The following ARHGAP6 variants were observed in gnomAD, a reference collection of about 807,000 sequenced individuals.
The protein encoded by ARHGAP6 is Rho GTPase activating protein 6, also known as rho GTPase-activating protein 6.
ARHGAP6 carries 16 observed loss-of-function variants against 55.7 expected under a neutral mutation model. The observed-to-expected ratio is 0.29, with a 90% CI of 0.19 to 0.44. The LOEUF (loss-of-function observed/expected upper bound fraction) is 0.44, where lower values mean the gene tolerates loss of function less well. Ranked by LOEUF, ARHGAP6 falls within the 20% of genes least tolerant of loss-of-function variation. ARHGAP6 has a pLI of 1.00. For missense variants in ARHGAP6, 698 were observed against 808.9 expected (o/e 0.86, Z 1.66); for synonymous variants, 382 against 360.9 (o/e 1.06, Z -0.66).
intron 1 of ARHGAP6, among the ~76,000 whole-genome samples, chrX:11,371,228 C>T (rs1359910720): frequency 1.8e-5 from 2 of 111,901 alleles, no homozygotes; most frequent in African/African-American, 3.2e-5. Context: ...GTTCTACAAG[C>T]ACACAGCTAT....
intron 1 of ARHGAP6, among the ~76,000 whole-genome samples, chrX:11,389,861 A>G (rs1256649528): frequency 8.9e-6 from 1 of 111,925 alleles, no homozygotes; most frequent in Admixed American, 9.5e-5. Flanking sequence ...AAGGAAGACA[A>G]GGAAAACTTA....
At chrX:11,167,257 C>A (rs997866741) in intron 9 of ARHGAP6, among the ~76,000 whole-genome samples, 1 of 110,821 alleles carries the variant, frequency 9.0e-6, no homozygotes, top group African/African-American at 3.3e-5. Flanking sequence ...CGAACATAAA[C>A]GAGAAATTTG....
intron 1 of ARHGAP6, among the ~76,000 whole-genome samples, chrX:11,275,632 T>A (rs1037105368): frequency 1.8e-5 from 2 of 111,745 alleles, no homozygotes; most frequent in African/African-American, 6.5e-5. Flanking sequence ...TTGAAAGCCA[T>A]CATTGAGGCT....
chrX:11,332,418 A>C (rs2048574350), intron 1 of ARHGAP6, among the ~76,000 whole-genome samples: 1 of 111,747 alleles, frequency 8.9e-6, no homozygotes, highest in African/African-American at 3.3e-5. Flanking sequence ...GAGGACACAT[A>C]CATTCCCTTA....
intron 2 of ARHGAP6, among the ~76,000 whole-genome samples, chrX:11,232,356 T>A (rs1284658156): frequency 1.8e-4 from 20 of 111,436 alleles, no homozygotes; most frequent in African/African-American, 6.5e-4. Flanking sequence ...TGTGGTGGCT[T>A]ACACCTGTAA....
In ARHGAP6 at chrX:11,509,749, AAC is replaced by A. The variant is rs752477980; in HGVS notation, c.588+154490_588+154491del. Among the ~76,000 whole-genome samples, 3 of 112,494 alleles carry A rather than the reference AAC, an allele frequency of 2.7e-5. No individual in the cohort carries two copies. The South Asian group carries it at 1.1e-3, about 41-fold the overall frequency. On this transcript the variant is annotated intron_variant, in intron 1 of 12. Coordinates refer to ENST00000337414, the MANE Select transcript of ARHGAP6 (RefSeq NM_013427.3). ...TCCAGAAAGCAAAGATGGTTAGAAA[AAC>A]ATAAGACACTTTGTCCTGTGTTAAA...
chrX:11,183,636 C>A (rs1337023925), intron 5 of ARHGAP6, among the ~76,000 whole-genome samples: 1 of 111,805 alleles, frequency 8.9e-6, no homozygotes, highest in Non-Finnish European at 1.9e-5. Context: ...CCCTCTGTCT[C>A]CTTTTTCCTT....
At chrX:11,645,606 GT>G (rs1456720103) in intron 1 of ARHGAP6, among the ~76,000 whole-genome samples, 3 of 112,052 alleles carry the variant, frequency 2.7e-5, no homozygotes, top group African/African-American at 9.7e-5. Flanking sequence ...TTCAAATAAA[GT>G]TATTTGTCTC....
chrX:11,336,115 T>G (rs750598976), intron 1 of ARHGAP6, among the ~76,000 whole-genome samples: 4 of 112,515 alleles, frequency 3.6e-5, no homozygotes, highest in Admixed American at 2.8e-4. Context: ...CAACCTGGAC[T>G]ATTTCAGCTC....
chrX:11,174,632 TTTCTTTC>T (rs761036732), intron 8 of ARHGAP6, among the ~76,000 whole-genome samples: 3 of 30,608 alleles, frequency 9.8e-5, no homozygotes, highest in African/African-American at 4.7e-4. Flanking sequence ...CTTTTCTTTC[TTTCTTTC>T]TTTCTTTCTT....
intron 1 of ARHGAP6, among the ~76,000 whole-genome samples, chrX:11,418,250 C>A (rs913089007): frequency 3.6e-5 from 4 of 112,133 alleles, no homozygotes; most frequent in Non-Finnish European, 5.6e-5. Context: ...ATAAGAGGTA[C>A]TTTCTGCAGT....
chrX:11,409,605 C>T (rs1316956813), intron 1 of ARHGAP6, among the ~76,000 whole-genome samples: 1 of 112,329 alleles, frequency 8.9e-6, no homozygotes, highest in Non-Finnish European at 1.9e-5. Flanking sequence ...ATAATGGATA[C>T]TGCTGGAATA....
chrX:11,392,840 A>C (rs748169292), intron 1 of ARHGAP6, among the ~76,000 whole-genome samples: 5 of 112,029 alleles, frequency 4.5e-5, no homozygotes, highest in Non-Finnish European at 7.5e-5. Flanking sequence ...AAGACTGTAC[A>C]TACATTTGAA....
intron 1 of ARHGAP6, among the ~76,000 whole-genome samples, chrX:11,523,818 A>T (rs1438704889): frequency 9.0e-6 from 1 of 111,466 alleles, no homozygotes; most frequent in Non-Finnish European, 1.9e-5. Context: ...ATTTGGGTTC[A>T]ATAGTAGAAA....
At chrX:11,190,210 C>A (rs2057644743) in intron 3 of ARHGAP6, among the ~76,000 whole-genome samples, 2 of 111,796 alleles carry the variant, frequency 1.8e-5, no homozygotes, top group South Asian at 3.7e-4. Flanking sequence ...TCAAAGCATG[C>A]AATTTGTTTT....
chrX:11,145,378 C>T (rs1367730920), intron 10 of ARHGAP6, among the ~76,000 whole-genome samples: 1 of 111,770 alleles, frequency 8.9e-6, no homozygotes, highest in East Asian at 2.8e-4. Context: ...TTAATATCGC[C>T]GGGAAAAACA....
intron 1 of ARHGAP6, among the ~76,000 whole-genome samples, chrX:11,318,885 G>T (rs1451863611): frequency 8.9e-6 from 1 of 111,978 alleles, no homozygotes; most frequent in Admixed American, 9.5e-5. Flanking sequence ...GAAGACAGAG[G>T]GGAGGGAAGA....
intron 3 of ARHGAP6, among the ~76,000 whole-genome samples, chrX:11,195,308 C>G (rs2046515567): frequency 9.2e-6 from 1 of 108,550 alleles, no homozygotes; most frequent in Admixed American, 9.8e-5. Context: ...GCCGAGATTG[C>G]ACCACTGCAC....
At chrX:11,524,498 G>A (rs889854492) in intron 1 of ARHGAP6, among the ~76,000 whole-genome samples, 1 of 111,811 alleles carries the variant, frequency 8.9e-6, no homozygotes, top group Non-Finnish European at 1.9e-5. Context: ...AACTACCCTA[G>A]ATTGTTATGG....
Sources: gnomAD v4.1 joint callset for allele counts (sites outside exome capture counted in the v4.1 genomes callset) on GRCh38, gnomAD v4.1.1 for gene constraint, MANE v1.5 for transcripts, NCBI Gene and HGNC (gene_info 2026-07-23, HGNC 2026-07-21) for gene names.